The following LEPR variants were observed in gnomAD, a reference collection of about 807,000 sequenced individuals.
The protein encoded by LEPR is leptin receptor, also known as OB receptor.
In LEPR, 56 loss-of-function variants were observed where a neutral mutation model predicts 114.7. That is an observed-to-expected ratio of 0.49 (90% CI 0.39 to 0.61). The LOEUF (loss-of-function observed/expected upper bound fraction) is 0.61. LEPR is among the 20% of genes least tolerant of loss of function. LEPR has a pLI of 0.00. For synonymous variants in LEPR, 443 were observed against 461.4 expected (o/e 0.96, Z 0.51); for missense variants, 1,202 against 1,352.9 (o/e 0.89, Z 1.75).
intron 5 of LEPR, among the ~76,000 whole-genome samples, chr1:65,586,751 T>C (rs1280282937): frequency 6.6e-6 from 1 of 152,064 alleles, no homozygotes. Context: ...AAATTAGTTT[T>C]AGATTGATGC....
At chr1:65,613,869 A>G (rs1021976742) in intron 14 of LEPR, among the ~76,000 whole-genome samples, 3 of 152,054 alleles carry the variant, frequency 2.0e-5, no homozygotes, top group African/African-American at 7.2e-5. Flanking sequence ...ATTCATCACT[A>G]AAGAGTTGCA....
At chr1:65,578,565 C>A (rs1011751647) in intron 5 of LEPR, among the ~76,000 whole-genome samples, 2 of 152,120 alleles carry the variant, frequency 1.3e-5, no homozygotes, top group Non-Finnish European at 2.9e-5. Context: ...TTCTCTCTCC[C>A]AAATGGGATG....
chr1:65,507,277 C>G (rs1351706185), intron 2 of LEPR, among the ~76,000 whole-genome samples: 1 of 151,984 alleles, frequency 6.6e-6, no homozygotes, highest in Non-Finnish European at 1.5e-5. Context: ...TCTCGAACTG[C>G]TGAAGTCAAG....
chr1:65,477,168 T>C (rs1014474997), intron 2 of LEPR, among the ~76,000 whole-genome samples: 2 of 152,164 alleles, frequency 1.3e-5, no homozygotes, highest in African/African-American at 4.8e-5. Context: ...CCCACCTCCA[T>C]TCCCTGTCCT....
At chr1:65,430,176 T>C in intron 2 of LEPR, 1 of 798,314 alleles carries the variant, frequency 1.3e-6, no homozygotes, top group Admixed American at 3.0e-5. Flanking sequence ...TTAGTTTCTC[T>C]GTTCCTCTAC....
chr1:65,488,827 T>C (rs867028262), intron 2 of LEPR, among the ~76,000 whole-genome samples: 1 of 152,088 alleles, frequency 6.6e-6, no homozygotes, highest in Non-Finnish European at 1.5e-5. Context: ...TGGGTTCAAT[T>C]GCTTTAACTT....
At position 65,526,714 on chromosome 1, in the gene LEPR, G is replaced by A. The variant is rs191246201; in HGVS notation, c.-20-38832G>A. Among the ~76,000 whole-genome samples, 798 of 152,166 alleles carry A rather than the reference G, an allele frequency of 5.2e-3. 8 individuals are homozygous for A. Among genetic ancestry groups the A allele is most frequent in the Middle Eastern group, 0.051 (15 of 294 alleles). On this transcript the variant is annotated intron_variant, in intron 2 of 19. Transcript: ENST00000349533. Reference sequence around the variant, plus strand: ...ACACTGTGGTTCGTTTAACCTCAGTGGGCCTCAGTTTCCTCATTTTTTCAA... The same window carrying A: ...ACACTGTGGTTCGTTTAACCTCAGTAGGCCTCAGTTTCCTCATTTTTTCAA...
chr1:65,461,347 C>A (rs1054452758), intron 2 of LEPR, among the ~76,000 whole-genome samples: 7 of 152,078 alleles, frequency 4.6e-5, no homozygotes, highest in African/African-American at 1.7e-4. Context: ...TCAATTCTAG[C>A]ACTGGGGCAG....
Position 65,638,620 on chromosome 1 carries a change from G to A in LEPR, c.*1605G>A, listed in dbSNP as rs1486228845. On this transcript the variant is annotated 3_prime_UTR_variant, in exon 20 of 20. Coordinates refer to ENST00000349533, the MANE Select transcript of LEPR (RefSeq NM_002303.6). Reference sequence around the variant, plus strand: ...TCCAGTTGTGGCTATGAAGTGAGCAGTTCTAAACAATGACAAAGATTCCAG... The same window carrying A: ...TCCAGTTGTGGCTATGAAGTGAGCAATTCTAAACAATGACAAAGATTCCAG... 3 of 152,144 alleles carry A rather than the reference G, an allele frequency of 2.0e-5. No individual in the cohort carries two copies. Among genetic ancestry groups the A allele is most frequent in the African/African-American group, 7.2e-5 (3 of 41,430 alleles). The allele number at this position is 152,144 out of a possible 1,614,324, so 9.4% of individuals were successfully genotyped here.
At chr1:65,460,057 C>CTT (rs376057328) in intron 2 of LEPR, among the ~76,000 whole-genome samples, 18 of 144,794 alleles carry the variant, frequency 1.2e-4, no homozygotes, top group South Asian at 2.2e-4. Flanking sequence ...CTAAATTATC[C>CTT]TTTTTTTTTT....
chr1:65,605,590 G>C (rs1018719170), intron 11 of LEPR, among the ~76,000 whole-genome samples: 1 of 152,008 alleles, frequency 6.6e-6, no homozygotes. Context: ...TAATCCAAAC[G>C]TTTAATTTGA....
intron 18 of LEPR, among the ~76,000 whole-genome samples, chr1:65,622,255 T>C (rs187670770): frequency 3.3e-5 from 5 of 152,322 alleles, no homozygotes; most frequent in African/African-American, 1.2e-4. Flanking sequence ...CAGTTTGGGT[T>C]AAGGACGTTT....
intron 2 of LEPR, among the ~76,000 whole-genome samples, chr1:65,552,931 C>G (rs1278470940): frequency 6.6e-6 from 1 of 152,150 alleles, no homozygotes; most frequent in Non-Finnish European, 1.5e-5. Context: ...AATCTCTCAG[C>G]ATTTGCTTGT....
At chr1:65,615,863 C>T (rs1657494558) in intron 14 of LEPR, 145 bp from the exon 15 acceptor site, 2 of 1,072,436 alleles carry the variant, frequency 1.9e-6, no homozygotes, top group African/African-American at 1.6e-5. Context: ...CCACCCATCT[C>T]CCCAGCCTCT....
chr1:65,520,637 C>A (rs1458675200), intron 2 of LEPR, among the ~76,000 whole-genome samples: 1 of 150,948 alleles, frequency 6.6e-6, no homozygotes, highest in African/African-American at 2.5e-5. Flanking sequence ...TAAAGACACA[C>A]ACACAGAAAT....
At chr1:65,428,916 T>G (rs934117916) in intron 2 of LEPR, among the ~76,000 whole-genome samples, 1 of 152,148 alleles carries the variant, frequency 6.6e-6, no homozygotes, top group African/African-American at 2.4e-5. Flanking sequence ...AATTGTGAGC[T>G]CTTATAATGA....
intron 18 of LEPR, 116 bp from the exon 19 acceptor site, chr1:65,622,790 C>A: frequency 9.7e-7 from 1 of 1,026,940 alleles, no homozygotes; most frequent in Non-Finnish European, 1.5e-6. Context: ...GCATCTGACC[C>A]TACGGAGGCA....
chr1:65,625,014 T>C (rs912540467), intron 19 of LEPR, among the ~76,000 whole-genome samples: 2 of 152,234 alleles, frequency 1.3e-5, no homozygotes, highest in Non-Finnish European at 2.9e-5. Context: ...TCTTCTTTCA[T>C]TAAAACAGTG....
chr1:65,597,176 A>G (rs1570780755), intron 7 of LEPR, among the ~76,000 whole-genome samples: 2 of 151,864 alleles, frequency 1.3e-5, no homozygotes, highest in South Asian at 4.2e-4. Context: ...TTGCTTAGTA[A>G]TTTTCTATCT....
Sources: gnomAD v4.1 joint callset for allele counts (sites outside exome capture counted in the v4.1 genomes callset) on GRCh38, gnomAD v4.1.1 for gene constraint, MANE v1.5 for transcripts, NCBI Gene and HGNC (gene_info 2026-07-23, HGNC 2026-07-21) for gene names.